KIAA0930: variants seen among roughly 807,000 people sequenced by gnomAD.
KIAA0930 encodes KIAA0930, also known as uncharacterized protein KIAA0930.
KIAA0930 carries 24 observed loss-of-function variants against 43.9 expected under a neutral mutation model. That is an observed-to-expected ratio of 0.55 (90% CI 0.40 to 0.77). The LOEUF is 0.77. Among genes scored for constraint, KIAA0930 ranks in the 30% least tolerant of loss-of-function variants. The pLI is 0.00. For synonymous variants in KIAA0930, 259 were observed against 216.4 expected (o/e 1.20, Z -1.73); for missense variants, 461 against 574.2 (o/e 0.80, Z 2.02).
At chr22:45,205,770 G>GCGGGCCC in intron 3 of KIAA0930, 23 bp downstream of exon 3, 8 of 1,523,762 alleles carry the variant, frequency 5.3e-6, no homozygotes, top group East Asian at 2.3e-5. Context: ...CCAATCCGCA[G>GCGGGCCC]CCCCACCCAT....
At chr22:45,232,150 C>T (rs116082759) in intron 1 of KIAA0930, among the ~76,000 whole-genome samples, 1,670 of 152,328 alleles carry the variant, frequency 0.011, 24 homozygotes, top group African/African-American at 0.038. Context: ...CCTGGTCCCC[C>T]TCTGTAAATG....
chr22:45,197,450 G>A (rs2083547426), intron 9 of KIAA0930, among the ~76,000 whole-genome samples: 1 of 152,216 alleles, frequency 6.6e-6, no homozygotes, highest in African/African-American at 2.4e-5. Context: ...CTGGTGTGGG[G>A]GCCAGAGCCA....
Position 45,211,293 on chromosome 22 carries a change from A to G in KIAA0930, c.216+663T>C, listed in dbSNP as rs546511354. ...GTCTGGCATATGGAGTTGATTAAACATTTTACGAACAGCAAAAGCTTGTGA... is the reference window on the plus strand; with the variant it reads ...GTCTGGCATATGGAGTTGATTAAACGTTTTACGAACAGCAAAAGCTTGTGA... On this transcript the variant is annotated intron_variant, in intron 2 of 9. Transcript: ENST00000336156. 16 of 398,374 alleles carry G rather than the reference A, an allele frequency of 4.0e-5. No individual in the cohort carries two copies. In the East Asian group the frequency reaches 5.0e-4, roughly 12 times the overall value. The allele number at this position is 398,374 out of a possible 1,614,324, so 24.7% of individuals were successfully genotyped here. A position where few individuals can be genotyped will look rare whatever the true frequency, so the allele number is the denominator to read the frequency against.
intron 1 of KIAA0930, among the ~76,000 whole-genome samples, chr22:45,238,649 C>T (rs1244838870): frequency 6.6e-6 from 1 of 152,186 alleles, no homozygotes; most frequent in Non-Finnish European, 1.5e-5. Context: ...GTTTTCTCTG[C>T]TTCAGAGCCC....
chr22:45,216,211 A>G (rs563021171), intron 1 of KIAA0930, among the ~76,000 whole-genome samples: 2 of 152,234 alleles, frequency 1.3e-5, no homozygotes, highest in African/African-American at 4.8e-5. Flanking sequence ...AGTCAAACAT[A>G]TGTGTGCTCA....
At chr22:45,219,596 T>A (rs1037966398) in intron 1 of KIAA0930, among the ~76,000 whole-genome samples, 1 of 144,758 alleles carries the variant, frequency 6.9e-6, no homozygotes, top group Non-Finnish European at 1.5e-5. Context: ...TTTTTTTTTT[T>A]TTTTTTTTTT....
chr22:45,205,770 G>GGGGCCC, intron 3 of KIAA0930, 23 bp downstream of exon 3: 209 of 1,523,134 alleles, frequency 1.4e-4, no homozygotes, highest in Non-Finnish European at 1.7e-4. Context: ...CCAATCCGCA[G>GGGGCCC]CCCCACCCAT....
chr22:45,226,191 T>C (rs1205232137), intron 1 of KIAA0930: 1 of 467,630 alleles, frequency 2.1e-6, no homozygotes, highest in Admixed American at 2.4e-5. Context: ...CATGGGCCTG[T>C]CTTAGACTTG....
intron 1 of KIAA0930, among the ~76,000 whole-genome samples, chr22:45,222,150 G>A (rs986539322): frequency 1.3e-5 from 2 of 152,088 alleles, no homozygotes; most frequent in Admixed American, 1.3e-4. Context: ...CCCTGCTCAA[G>A]CCAAAATAAA....
chr22:45,198,034 G>T, intron 8 of KIAA0930, 86 bp from the exon 9 acceptor site: 1 of 1,384,160 alleles, frequency 7.2e-7, no homozygotes, highest in Non-Finnish European at 1.0e-6. Flanking sequence ...CCAGGCTGAG[G>T]CCAAACTCTG....
chr22:45,197,715 C>T, intron 9 of KIAA0930, 75 bp downstream of exon 9: 1 of 1,536,896 alleles, frequency 6.5e-7, no homozygotes, highest in Non-Finnish European at 8.9e-7. Flanking sequence ...CCGGGTGGCT[C>T]ACAAGTACCA....
intron 1 of KIAA0930, among the ~76,000 whole-genome samples, chr22:45,234,189 G>C (rs1240534855): frequency 6.6e-6 from 1 of 152,160 alleles, no homozygotes; most frequent in Admixed American, 6.5e-5. Flanking sequence ...CTGCAGTGAG[G>C]GGTGACCAGG....
chr22:45,202,813 G>A (rs2083600775), intron 7 of KIAA0930, 177 bp downstream of exon 7: 2 of 553,604 alleles, frequency 3.6e-6, no homozygotes, highest in East Asian at 3.2e-5. Context: ...CCTACAAACC[G>A]CTAGGCAAAG....
rs1433870823 is a variant in KIAA0930, at chr22:45,192,590, C to G, written c.*4586G>C. On this transcript the variant is annotated 3_prime_UTR_variant, in exon 10 of 10. Coordinates refer to ENST00000336156, the MANE Select transcript of KIAA0930 (RefSeq NM_001009880.2). The stretch of plus-strand genomic sequence containing the variant: ...TAAAAGATACCTATTTACACCTAAA[C>G]TGCCTGGCCTTCCAGAGCGGGGACT... 6.6e-6 allele frequency: 1 copy of G among 152,254 alleles called. No individual in the cohort carries two copies. The highest frequency in any genetic ancestry group is 2.4e-5 in the African/African-American group (1 of 41,466). 9.4% of individuals were successfully genotyped at this position (152,254 alleles called of 1,614,324 possible).
rs985358492 is a variant in KIAA0930 at position 45,211,303 on chromosome 22, C to T, written c.216+653G>A. 6 of 398,280 alleles carry T rather than the reference C, an allele frequency of 1.5e-5. No individual in the cohort carries two copies. In the East Asian group the frequency reaches 2.1e-4, roughly 14 times the overall value. 24.7% of individuals were successfully genotyped at this position (398,280 alleles called of 1,614,324 possible). A position where few individuals can be genotyped will look rare whatever the true frequency, so the allele number is the denominator to read the frequency against. ...TGGAGTTGATTAAACATTTTACGAA[C>T]AGCAAAAGCTTGTGAAAAACAGAGA... is the stretch of plus-strand genomic sequence containing the variant. On this transcript the variant is annotated intron_variant, in intron 2 of 9. Transcript: ENST00000336156.
chr22:45,216,037 A>AAG (rs55687332), intron 1 of KIAA0930, among the ~76,000 whole-genome samples: 1 of 150,960 alleles, frequency 6.6e-6, no homozygotes, highest in South Asian at 2.1e-4. Flanking sequence ...CAAAAAAAAA[A>AAG]CAAAAGAAAG....
At chr22:45,207,701 C>G (rs556292159) in intron 2 of KIAA0930, 1 of 170,246 alleles carries the variant, frequency 5.9e-6, no homozygotes, top group East Asian at 1.9e-4. Context: ...GACTCGGGCT[C>G]CGAGGGGCTG....
intron 1 of KIAA0930, chr22:45,212,553 T>A: frequency 7.2e-7 from 1 of 1,393,384 alleles, no homozygotes; most frequent in Non-Finnish European, 9.3e-7. Context: ...GCTGCGGCAG[T>A]CCCAGCGGGA....
intron 1 of KIAA0930, chr22:45,236,145 C>A (rs1001987111): frequency 6.6e-6 from 1 of 152,326 alleles, no homozygotes; most frequent in Non-Finnish European, 1.5e-5. Flanking sequence ...ACATCCCTCC[C>A]CACGCTGAAG....
Sources: gnomAD v4.1 joint callset for allele counts (sites outside exome capture counted in the v4.1 genomes callset) on GRCh38, gnomAD v4.1.1 for gene constraint, MANE v1.5 for transcripts, NCBI Gene and HGNC (gene_info 2026-07-23, HGNC 2026-07-21) for gene names.